The following MON2 variants were observed in gnomAD, a reference collection of about 807,000 sequenced individuals.
The protein encoded by MON2 is MON2 regulator of endosome-to-Golgi trafficking.
Under a neutral mutation model 208.6 loss-of-function variants are expected in MON2, and 84 were observed. That is an observed-to-expected ratio of 0.40 (90% confidence interval 0.34 to 0.48). The LOEUF (loss-of-function observed/expected upper bound fraction) is 0.48, where lower values mean the gene tolerates loss of function less well. Ranked by LOEUF, MON2 falls within the 20% of genes least tolerant of loss-of-function variation. The pLI, the probability that MON2 is intolerant of heterozygous loss-of-function variation, is 0.59. For synonymous variants in MON2, 660 were observed against 694.0 expected (o/e 0.95, Z 0.77); for missense variants, 1,611 against 2,015.4 (o/e 0.80, Z 3.84).
chr12:62,537,131 G>T lies in MON2; in HGVS notation c.1901-20G>T. 1 of 1,388,510 alleles carries T rather than the reference G, an allele frequency of 7.2e-7. No individual in the cohort carries two copies. The highest frequency in any genetic ancestry group is 1.0e-6 in the Non-Finnish European group (1 of 1,001,742). 86.0% of individuals were successfully genotyped at this position (1,388,510 alleles called of 1,614,324 possible). ...TATAAAAATATATTTTAATTATTTA[G>T]GCTTTCCTTTGTGTTCTAGCATATT... On this transcript the variant is annotated intron_variant, in intron 14 of 34. Transcript: ENST00000393630.
At chr12:62,530,720 CAT>C (rs2072595105) in intron 11 of MON2, among the ~76,000 whole-genome samples, 1 of 152,066 alleles carries the variant, frequency 6.6e-6, no homozygotes, top group Non-Finnish European at 1.5e-5. Context: ...TTTGCATAGA[CAT>C]GTGTTTTCAT....
chr12:62,539,864 A>G (rs2073155674), intron 19 of MON2, among the ~76,000 whole-genome samples: 1 of 151,922 alleles, frequency 6.6e-6, no homozygotes, highest in Non-Finnish European at 1.5e-5. Flanking sequence ...TAAAAATACA[A>G]AAATTAGCTG....
intron 2 of MON2, chr12:62,484,770 T>C (rs1402233890): frequency 6.6e-6 from 1 of 152,232 alleles, no homozygotes; most frequent in Non-Finnish European, 1.5e-5. Flanking sequence ...TTTTCTTACC[T>C]TCTCTTGATT....
At chr12:62,554,633 T>TA (rs2073889701) in intron 24 of MON2, among the ~76,000 whole-genome samples, 1 of 152,124 alleles carries the variant, frequency 6.6e-6, no homozygotes. Context: ...TAGCTAGGAC[T>TA]GTAGGCTCAC....
At chr12:62,520,624 C>G (rs1431001377) in intron 8 of MON2, among the ~76,000 whole-genome samples, 1 of 151,784 alleles carries the variant, frequency 6.6e-6, no homozygotes, top group Non-Finnish European at 1.5e-5. Flanking sequence ...CCTGTTTTGT[C>G]ACAAGGAACA....
At chr12:62,518,966 G>A (rs1379480395) in intron 8 of MON2, among the ~76,000 whole-genome samples, 1 of 152,172 alleles carries the variant, frequency 6.6e-6, no homozygotes, top group African/African-American at 2.4e-5. Flanking sequence ...TGGTTGATGT[G>A]TGATGCCTCT....
chr12:62,540,613 C>T (rs561589813), intron 19 of MON2, among the ~76,000 whole-genome samples: 5 of 152,026 alleles, frequency 3.3e-5, no homozygotes, highest in South Asian at 2.1e-4. Context: ...GCAACAGATA[C>T]GATTTTTAAG....
Position 62,594,577 on chromosome 12 carries a change from A to C in MON2, c.*1828A>C, listed in dbSNP as rs893035666. 8 of 152,236 alleles carry C rather than the reference A, an allele frequency of 5.3e-5. No individual in the cohort carries two copies. The highest frequency in any genetic ancestry group is 1.9e-4 in the African/African-American group (8 of 41,460). The allele number at this position is 152,236 out of a possible 1,614,324, so 9.4% of individuals were successfully genotyped here. Reference sequence around the variant, plus strand: ...TAAAGCATTGAAACAGAATAACCCAAGGGTAGTGTACCGATTCAGTAACAT... The same window carrying C: ...TAAAGCATTGAAACAGAATAACCCACGGGTAGTGTACCGATTCAGTAACAT... On this transcript the variant is annotated 3_prime_UTR_variant, in exon 35 of 35. Transcript: ENST00000393630.
intron 8 of MON2, among the ~76,000 whole-genome samples, chr12:62,510,182 A>T (rs1277790714): frequency 6.6e-6 from 1 of 152,188 alleles, no homozygotes; most frequent in Non-Finnish European, 1.5e-5. Context: ...TCCAACAAAG[A>T]AAAGTGCAAG....
chr12:62,508,937 G>A (rs903764443), intron 8 of MON2: 1 of 154,798 alleles, frequency 6.5e-6, no homozygotes, highest in Non-Finnish European at 1.4e-5. Context: ...TTTTGCATAA[G>A]TTAATGGATG....
At chr12:62,534,234 A>T (rs1261901498) in intron 12 of MON2, among the ~76,000 whole-genome samples, 4 of 151,436 alleles carry the variant, frequency 2.6e-5, no homozygotes, top group Admixed American at 2.0e-4. Context: ...CTTAAAAAAA[A>T]AAATGGCTGG....
chr12:62,580,378 C>T lies in MON2; in HGVS notation c.4657C>T (p.Leu1553Phe). ...ATTTGTTGGTCAAATAATGACAATGCTTAACAAGGGCTCAATACATTCTCA... is the reference window on the plus strand; with the variant it reads ...ATTTGTTGGTCAAATAATGACAATGTTTAACAAGGGCTCAATACATTCTCA... ...KEFVGQIMTM[L>F]NKGSIHSQSS... The change falls in exon 32 of 35, where the codon CTT becomes TTT. Residue 1553 changes from leucine to phenylalanine, a missense_variant. By Grantham distance (22) the Leu-to-Phe change is conservative. Transcript: ENST00000393630. The T allele has an allele frequency of 6.2e-7, 1 of 1,608,312 alleles. No individual in the cohort carries two copies. The highest frequency in any genetic ancestry group is 8.5e-7 in the Non-Finnish European group (1 of 1,175,252).
chr12:62,474,423 T>A (rs1006125470), intron 1 of MON2, among the ~76,000 whole-genome samples: 2 of 149,144 alleles, frequency 1.3e-5, no homozygotes, highest in Non-Finnish European at 3.0e-5. Context: ...TGGCCTCTTC[T>A]TTTTCTTTTC....
intron 2 of MON2, 22 bp downstream of exon 2, chr12:62,484,255 T>G (rs1266024980): frequency 3.3e-6 from 5 of 1,516,842 alleles, no homozygotes; most frequent in Non-Finnish European, 4.5e-6. Flanking sequence ...TATTAAAAAT[T>G]TAATAATAAA....
In MON2 at chr12:62,526,118, A is replaced by G; in HGVS notation, c.1400+16A>G. On this transcript the variant is annotated intron_variant, in intron 11 of 34. Transcript: ENST00000393630. ...AAGCCACCTAGTAAGTAGTAGCAGC[A>G]TTATTTTATAAGGAATGATGTTGTT... is the stretch of plus-strand genomic sequence containing the variant. 1 of 1,608,128 alleles carries G rather than the reference A, an allele frequency of 6.2e-7. No homozygotes were observed. Among genetic ancestry groups the G allele is most frequent in the Non-Finnish European group, 8.5e-7 (1 of 1,174,978 alleles).
intron 1 of MON2, among the ~76,000 whole-genome samples, chr12:62,479,523 C>T (rs1390329960): frequency 6.9e-6 from 1 of 144,876 alleles, no homozygotes; most frequent in South Asian, 2.3e-4. Context: ...TATGGTATTA[C>T]ACAGGAAGAG....
rs572715641 is a variant in MON2 at position 62,505,606 on chromosome 12, C to T, written c.790-2680C>T. ...AGGTGGTTCACAGAGATCTGGTAGG[C>T]GCAGTGGCTCACACCTGTAATCTTA... On this transcript the variant is annotated intron_variant, in intron 7 of 34. Coordinates refer to ENST00000393630, the MANE Select transcript of MON2 (RefSeq NM_015026.3). Among the ~76,000 whole-genome samples the T allele has an allele frequency of 4.6e-5, 7 of 152,072 alleles. No homozygotes were observed. The South Asian group carries it at 1.0e-3, about 23-fold the overall frequency.
intron 26 of MON2, among the ~76,000 whole-genome samples, chr12:62,564,386 T>C (rs1195203754): frequency 6.6e-6 from 1 of 152,152 alleles, no homozygotes; most frequent in East Asian, 1.9e-4. Context: ...TTTTGTCTTA[T>C]AAAGCACAAG....
intron 2 of MON2, among the ~76,000 whole-genome samples, chr12:62,493,340 G>A (rs1164978268): frequency 6.6e-6 from 1 of 152,200 alleles, no homozygotes; most frequent in Non-Finnish European, 1.5e-5. Flanking sequence ...CGGAATTATA[G>A]CATGTGTACC....
Sources: allele counts gnomAD v4.1 joint callset (sites outside exome capture counted in the v4.1 genomes callset), GRCh38; gene constraint gnomAD v4.1.1; transcripts MANE v1.5; gene names NCBI Gene and HGNC (gene_info 2026-07-23, HGNC 2026-07-21).